RORA: variants seen among roughly 807,000 people sequenced by gnomAD.
RORA encodes the protein nuclear receptor ROR-alpha.
RORA carries 7 observed loss-of-function variants against 69.5 expected under a neutral mutation model. That is an observed-to-expected ratio of 0.10 (90% confidence interval 0.06 to 0.19). The LOEUF is 0.19. RORA is among the 10% of genes least tolerant of loss of function. RORA has a pLI of 1.00. For missense variants in RORA, 457 were observed against 663.0 expected (o/e 0.69, Z 3.41); for synonymous variants, 261 against 240.8 (o/e 1.08, Z -0.78).
chr15:60,516,148 T>TAA lies in RORA; in HGVS notation c.283-1392_283-1391insTT, dbSNP rs1491104032. 4.8e-3 allele frequency among the ~76,000 whole-genome samples: 277 copies of TAA among 57,332 alleles called. 18 individuals are homozygous for TAA. The highest frequency in any genetic ancestry group is 0.024 in the African/African-American group (270 of 11,480). 37.6% of individuals were successfully genotyped at this position (57,332 alleles called of 152,430 possible). A position where few individuals can be genotyped will look rare whatever the true frequency, so the allele number is the denominator to read the frequency against. On this transcript the variant is annotated intron_variant, in intron 3 of 10. Coordinates refer to ENST00000335670, the MANE Select transcript of RORA (RefSeq NM_134261.3). Reference sequence around the variant, plus strand: ...TATATTAAATATATTTATATATATTTATATATATATATTTATATATATATT... The same window carrying TAA: ...TATATTAAATATATTTATATATATTTAAATATATATATATTTATATATATATT...
chr15:60,794,151 C>T (rs2072456932), intron 1 of RORA, among the ~76,000 whole-genome samples: 1 of 152,202 alleles, frequency 6.6e-6, no homozygotes, highest in Non-Finnish European at 1.5e-5. Context: ...AACAGGTCTA[C>T]TTAAAATGCC....
chr15:60,844,038 C>T (rs1001137314), intron 1 of RORA, among the ~76,000 whole-genome samples: 14 of 152,182 alleles, frequency 9.2e-5, no homozygotes, highest in African/African-American at 3.4e-4. Flanking sequence ...ATCTTCCCCT[C>T]TTTAACTGGC....
chr15:61,026,624 C>A (rs1338123505), intron 1 of RORA, among the ~76,000 whole-genome samples: 1 of 152,096 alleles, frequency 6.6e-6, no homozygotes, highest in Non-Finnish European at 1.5e-5. Flanking sequence ...GTAAAATAAG[C>A]CACTTTGTGC....
intron 1 of RORA, among the ~76,000 whole-genome samples, chr15:60,974,131 G>C (rs1457581991): frequency 6.6e-6 from 1 of 152,204 alleles, no homozygotes. Context: ...CAACAGAGGA[G>C]GAGGGATGCC....
intron 2 of RORA, chr15:60,677,272 A>G (rs1242458120): frequency 1.1e-5 from 5 of 444,856 alleles, no homozygotes; most frequent in South Asian, 6.2e-5. Context: ...TGCACTGTCA[A>G]TCTCTCAGTC....
At chr15:60,701,156 C>T (rs948601895) in intron 1 of RORA, among the ~76,000 whole-genome samples, 3 of 152,232 alleles carry the variant, frequency 2.0e-5, no homozygotes, top group Non-Finnish European at 2.9e-5. Flanking sequence ...GAATATAGAA[C>T]ATCACTCCTT....
At chr15:60,999,767 G>C (rs1418096102) in intron 1 of RORA, among the ~76,000 whole-genome samples, 2 of 152,118 alleles carry the variant, frequency 1.3e-5, no homozygotes, top group Non-Finnish European at 2.9e-5. Flanking sequence ...TTTGCTTTTG[G>C]GTTCTTCATC....
chr15:60,913,811 A>T (rs889499854), intron 1 of RORA, among the ~76,000 whole-genome samples: 1 of 152,216 alleles, frequency 6.6e-6, no homozygotes, highest in Non-Finnish European at 1.5e-5. Context: ...GTCTCAACAA[A>T]AAATATTTAT....
intron 1 of RORA, among the ~76,000 whole-genome samples, chr15:60,743,757 T>C (rs990069031): frequency 2.0e-5 from 3 of 152,346 alleles, no homozygotes; most frequent in African/African-American, 7.2e-5. Context: ...TATGTGCTGC[T>C]GGGCTTGGTG....
intron 1 of RORA, among the ~76,000 whole-genome samples, chr15:60,891,649 C>T (rs1301414810): frequency 7.9e-5 from 12 of 152,194 alleles, no homozygotes; most frequent in Admixed American, 7.8e-4. Flanking sequence ...AAAGCCTGTC[C>T]TCCAGTGCCC....
chr15:61,140,964 A>G (rs1375797578), intron 1 of RORA, among the ~76,000 whole-genome samples: 1 of 152,134 alleles, frequency 6.6e-6, no homozygotes, highest in African/African-American at 2.4e-5. Context: ...TGTCAAGAAA[A>G]GCTGTTTTTT....
rs1015682426 is a variant in RORA, at chr15:61,067,653, C to T, written c.166+161400G>A. ...ATTAGGTGAAATGCCCAAGACCAGA[C>T]AAATAAATGGTGGGACAAGGATTTA... On this transcript the variant is annotated intron_variant, in intron 1 of 10. Coordinates refer to ENST00000335670, the MANE Select transcript of RORA (RefSeq NM_134261.3). Among the ~76,000 whole-genome samples the T allele has an allele frequency of 5.9e-5, 9 of 152,096 alleles. No homozygotes were observed. The East Asian group carries it at 1.5e-3, about 26-fold the overall frequency.
chr15:60,589,561 GCT>G (rs2068438788), intron 2 of RORA, among the ~76,000 whole-genome samples: 1 of 152,176 alleles, frequency 6.6e-6, no homozygotes, highest in African/African-American at 2.4e-5. Context: ...GTTATAGCTG[GCT>G]CTCTCCCTTT....
At chr15:60,968,034 T>C (rs985913469) in intron 1 of RORA, among the ~76,000 whole-genome samples, 1 of 152,158 alleles carries the variant, frequency 6.6e-6, no homozygotes, top group African/African-American at 2.4e-5. Context: ...CCACTGAACA[T>C]CACGGCCAGT....
At chr15:61,066,910 A>G (rs1186072784) in intron 1 of RORA, among the ~76,000 whole-genome samples, 1 of 149,268 alleles carries the variant, frequency 6.7e-6, no homozygotes, top group Admixed American at 6.7e-5. Flanking sequence ...AAAAAAACCC[A>G]AAAAGGTGGA....
intron 1 of RORA, among the ~76,000 whole-genome samples, chr15:61,138,423 C>G (rs1310340510): frequency 6.6e-6 from 1 of 152,080 alleles, no homozygotes; most frequent in Non-Finnish European, 1.5e-5. Flanking sequence ...ATATAAAAAC[C>G]TAAGTGCTTC....
At chr15:60,663,814 C>T (rs1351265815) in intron 2 of RORA, among the ~76,000 whole-genome samples, 2 of 152,160 alleles carry the variant, frequency 1.3e-5, no homozygotes, top group Admixed American at 6.6e-5. Flanking sequence ...GAATCATGTA[C>T]GATATGTAGA....
At chr15:61,216,052 A>C (rs1338336672) in intron 1 of RORA, among the ~76,000 whole-genome samples, 3 of 152,252 alleles carry the variant, frequency 2.0e-5, no homozygotes, top group Non-Finnish European at 2.9e-5. Context: ...TTTCACAGCC[A>C]TCTCAGAAAG....
At chr15:60,517,507 CT>C (rs1171984793) in intron 3 of RORA, among the ~76,000 whole-genome samples, 1 of 145,886 alleles carries the variant, frequency 6.9e-6, no homozygotes, top group Non-Finnish European at 1.5e-5. Context: ...TCTGTTTCCC[CT>C]GTGAAAAGGA....
Sources: allele counts gnomAD v4.1 joint callset (sites outside exome capture counted in the v4.1 genomes callset), GRCh38; gene constraint gnomAD v4.1.1; transcripts MANE v1.5; gene names NCBI Gene and HGNC (gene_info 2026-07-23, HGNC 2026-07-21).